Variants in EXTL3 observed in about 807,000 individuals in gnomAD.
EXTL3 encodes exostosin like glycosyltransferase 3.
Under a neutral mutation model 69.3 loss-of-function variants are expected in EXTL3, and 27 were observed. The ratio of observed to expected loss-of-function variants is 0.39; its 90% CI spans 0.29 to 0.54. The LOEUF (loss-of-function observed/expected upper bound fraction) is 0.54, where lower values mean the gene tolerates loss of function less well. EXTL3 is among the 20% of genes least tolerant of loss of function. The pLI, the probability that EXTL3 is intolerant of heterozygous loss-of-function variation, is 0.69. For missense variants in EXTL3, 1,003 were observed against 1,231.8 expected, an observed-to-expected ratio of 0.81 and a Z score of 2.78; for synonymous variants, 511 against 499.4, an observed-to-expected ratio of 1.02 and a Z score of -0.31.
chr8:28,681,229 T>C (rs1237457247), intron 1 of EXTL3, among the ~76,000 whole-genome samples: 3 of 151,278 alleles, frequency 2.0e-5, no homozygotes, highest in Non-Finnish European at 4.4e-5. Context: ...AATTCATGCA[T>C]CCCAGACAGA....
At position 28,717,307 on chromosome 8, in the gene EXTL3, A is replaced by C; in HGVS notation, c.1248A>C (p.Gly416=). ...PSLPTEWALC[G]EREDRLELLK... ...TGCCGACTGAGTGGGCACTGTGTGG[A>C]GAGCGGGAGGACCGCTTGGAATTGC... The change falls in exon 3 of 7, where the codon GGA becomes GGC. Residue 416 remains glycine (G), a synonymous_variant. Coordinates refer to ENST00000220562, the MANE Select transcript of EXTL3 (RefSeq NM_001440.4). This position sits in a 1 kb window ranked among gnomAD's most constrained non-coding sequence, Gnocchi z 8.3. 6.2e-7 allele frequency: 1 copy of C among 1,614,222 alleles called. No homozygotes were observed. Among genetic ancestry groups the C allele is most frequent in the Non-Finnish European group, 8.5e-7 (1 of 1,180,046 alleles).
chr8:28,648,257 A>T (rs923573942), intron 1 of EXTL3, among the ~76,000 whole-genome samples: 3 of 152,128 alleles, frequency 2.0e-5, no homozygotes, highest in Admixed American at 2.0e-4. Flanking sequence ...AATATTGTAC[A>T]GTCTAAATAC....
At chr8:28,726,139 A>G (rs1479245816) in intron 3 of EXTL3, among the ~76,000 whole-genome samples, 1 of 151,970 alleles carries the variant, frequency 6.6e-6, no homozygotes, top group Non-Finnish European at 1.5e-5. Flanking sequence ...TATTTTTAGT[A>G]AAAACTGGGT....
chr8:28,628,899 G>A (rs1806533215), intron 1 of EXTL3, among the ~76,000 whole-genome samples: 2 of 152,130 alleles, frequency 1.3e-5, no homozygotes, highest in Admixed American at 6.6e-5. Flanking sequence ...TTGTGATAAG[G>A]AAGACTAGGA....
chr8:28,660,591 T>A (rs1451223469), intron 1 of EXTL3, among the ~76,000 whole-genome samples: 1 of 152,138 alleles, frequency 6.6e-6, no homozygotes, highest in Non-Finnish European at 1.5e-5. Flanking sequence ...AGTGTACAGT[T>A]CAGTGGTATT....
intron 1 of EXTL3, among the ~76,000 whole-genome samples, chr8:28,625,776 A>G (rs148742280): frequency 6.6e-4 from 100 of 152,240 alleles, no homozygotes; most frequent in African/African-American, 2.4e-3. Context: ...TGAAAAAATC[A>G]GTGCCTGAAA....
intron 1 of EXTL3, among the ~76,000 whole-genome samples, chr8:28,653,112 T>C (rs76801539): frequency 6.6e-6 from 1 of 152,222 alleles, no homozygotes; most frequent in African/African-American, 2.4e-5. Context: ...TGAATCCACA[T>C]GATAGTAGCA....
At chr8:28,672,670 A>C (rs1424943813) in intron 1 of EXTL3, among the ~76,000 whole-genome samples, 1 of 152,166 alleles carries the variant, frequency 6.6e-6, no homozygotes, top group Middle Eastern at 3.2e-3. Context: ...CTGCATTGTA[A>C]CAAGCCACCC....
At chr8:28,659,401 T>C (rs1371461217) in intron 1 of EXTL3, among the ~76,000 whole-genome samples, 2 of 152,218 alleles carry the variant, frequency 1.3e-5, no homozygotes, top group Non-Finnish European at 2.9e-5. Context: ...TTCAGTATCA[T>C]TTGGGAGATT....
chr8:28,749,110 G>A (rs1022101515), intron 6 of EXTL3, among the ~76,000 whole-genome samples: 1 of 152,058 alleles, frequency 6.6e-6, no homozygotes, highest in African/African-American at 2.4e-5. Context: ...CACAGGTAAA[G>A]CCTCATTGAA....
chr8:28,641,950 C>G (rs1806750267), intron 1 of EXTL3, among the ~76,000 whole-genome samples: 2 of 152,186 alleles, frequency 1.3e-5, no homozygotes, highest in East Asian at 1.9e-4. Context: ...ATTCTCCTGC[C>G]TCAGCCTCCC....
intron 2 of EXTL3, among the ~76,000 whole-genome samples, chr8:28,612,895 T>C (rs1327886628): frequency 1.3e-5 from 2 of 152,172 alleles, no homozygotes; most frequent in Non-Finnish European, 2.9e-5. Flanking sequence ...ATTTTTAAGT[T>C]TTTTGTAGAG....
chr8:28,616,395 G>A (rs1397890168), intron 2 of EXTL3, among the ~76,000 whole-genome samples: 1 of 152,120 alleles, frequency 6.6e-6, no homozygotes, highest in African/African-American at 2.4e-5. Flanking sequence ...GGAGGCTGAG[G>A]CGGGTGGATC....
intron 4 of EXTL3, among the ~76,000 whole-genome samples, chr8:28,733,583 G>T (rs1279773659): frequency 7.6e-6 from 1 of 132,160 alleles, no homozygotes; most frequent in Non-Finnish European, 1.6e-5. Flanking sequence ...TTTTTGTACA[G>T]ATGGGTTCTC....
intron 1 of EXTL3, among the ~76,000 whole-genome samples, chr8:28,712,568 A>G (rs1801052220): frequency 6.6e-6 from 1 of 152,238 alleles, no homozygotes. Flanking sequence ...ATTTATTTCT[A>G]GAGGCTGATA....
chr8:28,726,676 C>G (rs948175637), intron 3 of EXTL3, among the ~76,000 whole-genome samples: 1 of 151,978 alleles, frequency 6.6e-6, no homozygotes, highest in African/African-American at 2.4e-5. Flanking sequence ...ACGCAAGTAG[C>G]GCACCCTTTT....
At chr8:28,748,971 C>T (rs1194238067) in intron 6 of EXTL3, among the ~76,000 whole-genome samples, 1 of 152,120 alleles carries the variant, frequency 6.6e-6, no homozygotes, top group Non-Finnish European at 1.5e-5. Flanking sequence ...TAGACCCAGT[C>T]GTCGATACCC....
chr8:28,619,185 A>G (rs574836872), upstream of EXTL3, among the ~76,000 whole-genome samples: 12 of 141,506 alleles, frequency 8.5e-5, no homozygotes, highest in African/African-American at 3.1e-4. Context: ...CTAACAGGAG[A>G]CCATATGTCC....
intron 2 of EXTL3, among the ~76,000 whole-genome samples, chr8:28,616,889 C>T (rs879204125): frequency 1.3e-5 from 2 of 152,204 alleles, no homozygotes; most frequent in Admixed American, 1.3e-4. Flanking sequence ...GAAGACAAAA[C>T]GGACTTCCAG....
Sources: allele counts gnomAD v4.1 joint callset (sites outside exome capture counted in the v4.1 genomes callset), GRCh38; gene constraint gnomAD v4.1.1; non-coding constraint Gnocchi (gnomAD v3.1); transcripts MANE v1.5; gene names NCBI Gene and HGNC (gene_info 2026-07-23, HGNC 2026-07-21).